The following CCDC66 variants were observed in gnomAD, a reference collection of about 807,000 sequenced individuals.
The protein encoded by CCDC66 is coiled-coil domain containing 66, also known as coiled-coil domain-containing protein 66.
Under a neutral mutation model 128.3 loss-of-function variants are expected in CCDC66, and 133 were observed. The observed-to-expected ratio is 1.04, with a 90% CI of 0.90 to 1.20. The LOEUF is 1.20. Among genes scored for constraint, CCDC66 ranks in the 50% most tolerant of loss-of-function variants. The pLI, the probability that CCDC66 is intolerant of heterozygous loss-of-function variation, is 0.00. For synonymous variants in CCDC66, 387 were observed against 357.0 expected, an observed-to-expected ratio of 1.08 and a Z score of -0.95; for missense variants, 1,126 against 1,075.5, an observed-to-expected ratio of 1.05 and a Z score of -0.66.
At chr3:56,593,394 C>G (rs993083148) in intron 8 of CCDC66, 97 bp from the exon 9 acceptor site, 79 of 1,362,666 alleles carry the variant, frequency 5.8e-5, no homozygotes, top group Admixed American at 8.0e-5. Flanking sequence ...TTATTCTGCT[C>G]TAAGGTGACT....
At position 56,615,206 on chromosome 3, in the gene CCDC66, GAAC is replaced by G; in HGVS notation, c.1648_1650del (p.Gln550del). On this transcript the variant is annotated inframe_deletion, in exon 12 of 18. Coordinates refer to ENST00000394672, the MANE Select transcript of CCDC66 (RefSeq NM_001141947.3). ...GGAACTGGCACAGAGACTAAAACAA[GAAC>G]AAAGAATCCGAGAATTGGCGCAAAA... 1 of 1,613,972 alleles carries G rather than the reference GAAC, an allele frequency of 6.2e-7. No homozygotes were observed. The highest frequency in any genetic ancestry group is 1.7e-5 in the Admixed American group (1 of 60,014).
chr3:56,571,557 AT>A (rs1434105779), intron 7 of CCDC66, among the ~76,000 whole-genome samples: 1 of 151,626 alleles, frequency 6.6e-6, no homozygotes, highest in Non-Finnish European at 1.5e-5. Flanking sequence ...AATTTTTTGT[AT>A]TCTTAATAGA....
At chr3:56,587,859 C>T (rs903937434) in intron 7 of CCDC66, among the ~76,000 whole-genome samples, 3 of 151,964 alleles carry the variant, frequency 2.0e-5, no homozygotes, top group Non-Finnish European at 2.9e-5. Flanking sequence ...ACAGAGACTC[C>T]GTCTCAAAAA....
intron 12 of CCDC66, 22 bp downstream of exon 12, chr3:56,615,294 T>C: frequency 7.0e-7 from 1 of 1,435,184 alleles, no homozygotes; most frequent in Non-Finnish European, 9.5e-7. Flanking sequence ...ACCAGAACTT[T>C]ATTTATAATA....
intron 7 of CCDC66, among the ~76,000 whole-genome samples, chr3:56,588,992 A>C (rs958327793): frequency 6.6e-6 from 1 of 152,240 alleles, no homozygotes; most frequent in African/African-American, 2.4e-5. Flanking sequence ...AGCCCAAGGT[A>C]GGTCAAAGTG....
chr3:56,593,611 G>C lies in CCDC66; in HGVS notation c.1189G>C (p.Asp397His), dbSNP rs759288145. The change falls in exon 9 of 18, where the codon GAC (aspartate) becomes CAC (histidine). Residue 397 changes from aspartate to histidine, a missense_variant. By Grantham distance (81) the Asp-to-His change is moderately conservative (BLOSUM62 -1). Transcript: ENST00000394672. ...ACCTGAGTACTTCTGTGTCTCTCCT[G>C]ACACTCAGGAGCTGGCTGATGTCAG... ...KQPEYFCVSP[D>H]TQELADVSSV... 11 of 1,614,130 alleles carry C rather than the reference G, an allele frequency of 6.8e-6. No individual in the cohort carries two copies. Among genetic ancestry groups the C allele is most frequent in the Non-Finnish European group, 8.5e-6 (10 of 1,180,024 alleles).
intron 13 of CCDC66, chr3:56,616,499 T>G (rs1578036637): frequency 6.2e-6 from 1 of 161,102 alleles, no homozygotes; most frequent in African/African-American, 2.4e-5. Flanking sequence ...TGTCAGTACT[T>G]CATTCCTGTT....
At chr3:56,566,926 G>A (rs2065935869) in intron 5 of CCDC66, 24 bp from the exon 6 acceptor site, 4 of 1,583,506 alleles carry the variant, frequency 2.5e-6, no homozygotes, top group Non-Finnish European at 2.6e-6. Flanking sequence ...TACAGTTTCT[G>A]TTATCTTTTG....
chr3:56,619,426 A>G lies in CCDC66; in HGVS notation c.2534A>G (p.His845Arg). Residue 845 changes from histidine to arginine, a missense_variant, in exon 16 of 18, where the codon CAT (histidine) becomes CGT (arginine). His to Arg is a conservative substitution (Grantham distance 29, BLOSUM62 0). Coordinates refer to ENST00000394672, the MANE Select transcript of CCDC66 (RefSeq NM_001141947.3). The stretch of plus-strand genomic sequence containing the variant: ...TCATCTGGGATTTCTGAATCATCCC[A>G]TTTTATTCCGTATGTTCGAACAAAT... ...ELSSGISESSHFIPYVRTNEI... is the reference protein window; with the variant it reads ...ELSSGISESSRFIPYVRTNEI... The G allele has an allele frequency of 6.2e-7, 1 of 1,614,048 alleles. No homozygotes were observed. Among genetic ancestry groups the G allele is most frequent in the Non-Finnish European group, 8.5e-7 (1 of 1,179,958 alleles).
rs767509927 is a variant in CCDC66 at position 56,593,501 on chromosome 3, A to G, written c.1079A>G (p.His360Arg). The change falls in exon 9 of 18, where the codon CAT becomes CGT. Residue 360 changes from histidine (H) to arginine (R), a missense_variant. Physicochemically the swap from His to Arg is conservative, Grantham distance 29. Transcript: ENST00000394672. ...ATTTGTCATCATTAGGGTGAGGAAC[A>G]TGACAGATGGGCAATGCACTTTGAT... The part of the protein sequence containing the change: ...EKIIYSKGEE[H>R]DRWAMHFDSL... 8.7e-6 allele frequency: 14 copies of G among 1,614,044 alleles called. No homozygotes were observed. The highest frequency in any genetic ancestry group is 5.5e-5 in the South Asian group (5 of 91,086).
rs576999000 is a variant in CCDC66 at position 56,607,211 on chromosome 3, G to A, written c.1405-6378G>A. 9.0e-4 allele frequency among the ~76,000 whole-genome samples: 137 copies of A among 152,228 alleles called. 1 individual carries two copies. Among genetic ancestry groups the A allele is most frequent in the Middle Eastern group, 3.4e-3 (1 of 294 alleles). On this transcript the variant is annotated intron_variant, in intron 10 of 17. Coordinates refer to ENST00000394672, the MANE Select transcript of CCDC66 (RefSeq NM_001141947.3). ...GTGGTATTTTGATGGGGATTATGTTGAATTTGTAGATTGCTTTTGGCAGTA... is the reference window on the plus strand; with the variant it reads ...GTGGTATTTTGATGGGGATTATGTTAAATTTGTAGATTGCTTTTGGCAGTA...
chr3:56,593,377 A>G, intron 8 of CCDC66, 114 bp from the exon 9 acceptor site: 1 of 1,161,128 alleles, frequency 8.6e-7, no homozygotes, highest in Non-Finnish European at 1.2e-6. Context: ...GTTAATTTTT[A>G]TGATGCTTAT....
intron 11 of CCDC66, 44 bp from the exon 12 acceptor site, chr3:56,615,084 T>A: frequency 6.3e-7 from 1 of 1,590,566 alleles, no homozygotes; most frequent in Non-Finnish European, 8.6e-7. Context: ...GTCAAGTCTT[T>A]GTATGTTTAA....
intron 7 of CCDC66, among the ~76,000 whole-genome samples, chr3:56,587,443 T>C (rs905452091): frequency 5.9e-5 from 9 of 151,718 alleles, no homozygotes; most frequent in Admixed American, 4.0e-4. Flanking sequence ...GAGCTTTCAG[T>C]CATGGTGGAA....
intron 7 of CCDC66, among the ~76,000 whole-genome samples, chr3:56,578,839 G>A (rs561645363): frequency 6.6e-6 from 1 of 151,732 alleles, no homozygotes; most frequent in Non-Finnish European, 1.5e-5. Flanking sequence ...TTTCTGCATC[G>A]ATGTTCATCA....
intron 10 of CCDC66, among the ~76,000 whole-genome samples, chr3:56,596,599 T>G (rs2071973845): frequency 6.6e-6 from 1 of 151,792 alleles, no homozygotes; most frequent in Non-Finnish European, 1.5e-5. Flanking sequence ...TGCAGAAGAT[T>G]TTTAGTTCAA....
intron 8 of CCDC66, 53 bp downstream of exon 8, chr3:56,593,154 A>C: frequency 7.3e-7 from 1 of 1,376,142 alleles, no homozygotes; most frequent in East Asian, 2.4e-5. Context: ...CAAAGTCTTT[A>C]ATCAATTAAA....
At chr3:56,589,287 AT>A (rs543195429) in intron 7 of CCDC66, among the ~76,000 whole-genome samples, 251 of 152,304 alleles carry the variant, frequency 1.6e-3, no homozygotes, top group Non-Finnish European at 2.9e-3. Context: ...TATTAATGAA[AT>A]TGAGCTTATT....
chr3:56,602,496 T>G (rs1167789054), intron 10 of CCDC66, among the ~76,000 whole-genome samples: 4 of 152,034 alleles, frequency 2.6e-5, no homozygotes, highest in Non-Finnish European at 5.9e-5. Flanking sequence ...CTCATAAAAT[T>G]AATTAGGGAG....
Sources: allele counts gnomAD v4.1 joint callset (sites outside exome capture counted in the v4.1 genomes callset), GRCh38; gene constraint gnomAD v4.1.1; transcripts MANE v1.5; gene names NCBI Gene and HGNC (gene_info 2026-07-23, HGNC 2026-07-21).